ANO2: variants seen among roughly 807,000 people sequenced by gnomAD.
ANO2 encodes anoctamin-2.
Under a neutral mutation model 124.2 loss-of-function variants are expected in ANO2, and 101 were observed. The ratio of observed to expected loss-of-function variants is 0.81; its 90% CI spans 0.69 to 0.96. The LOEUF (loss-of-function observed/expected upper bound fraction) is 0.96, where lower values mean the gene tolerates loss of function less well. Among genes scored for constraint, ANO2 ranks in the 40% least tolerant of loss-of-function variants. The pLI is 0.00. For synonymous variants in ANO2, 486 were observed against 482.5 expected (o/e 1.01, Z -0.09); for missense variants, 1,293 against 1,274.5 (o/e 1.01, Z -0.22).
chr12:5,922,268 T>C (rs1250722835), intron 2 of ANO2, among the ~76,000 whole-genome samples: 1 of 152,224 alleles, frequency 6.6e-6, no homozygotes, highest in African/African-American at 2.4e-5. Context: ...AGAGGTCACC[T>C]GGGCAACCAG....
intron 16 of ANO2, among the ~76,000 whole-genome samples, chr12:5,625,770 C>T (rs1373534934): frequency 6.6e-6 from 1 of 152,144 alleles, no homozygotes; most frequent in African/African-American, 2.4e-5. Context: ...CAGGTTCTTC[C>T]TGCTTCTGGT....
At position 5,744,187 on chromosome 12, in the gene ANO2, C is replaced by T. The variant is rs755725535; in HGVS notation, c.1321G>A (p.Val441Ile). Residue 441 changes from valine (V) to isoleucine (I), a missense_variant, in exon 12 of 25, where the codon GTC (valine) becomes ATC (isoleucine). Physicochemically the swap from Val to Ile is conservative, Grantham distance 29. Transcript: ENST00000682330. ...AGAGCCATGAAGATAGAGAAGAAGA[C>T]GGTGGCAGGGTTGTCAAACAGGTGG... is the stretch of plus-strand genomic sequence containing the variant. ...ASHLFDNPAT[V>I]FFSIFMALWA... 27 of 1,613,014 alleles carry T rather than the reference C, an allele frequency of 1.7e-5. No individual in the cohort carries two copies. Among genetic ancestry groups the T allele is most frequent in the African/African-American group, 6.7e-5 (5 of 74,138 alleles).
upstream of ANO2, among the ~76,000 whole-genome samples, chr12:5,945,934 A>C (rs368898631): frequency 3.3e-5 from 5 of 152,206 alleles, no homozygotes; most frequent in South Asian, 1.0e-3. Flanking sequence ...AGATGATGGA[A>C]GCTCCATCCC....
At chr12:5,914,610 C>A (rs1941272974) in intron 3 of ANO2, among the ~76,000 whole-genome samples, 1 of 152,200 alleles carries the variant, frequency 6.6e-6, no homozygotes, top group Non-Finnish European at 1.5e-5. Flanking sequence ...AAGCCAACTT[C>A]TGCTATCAGT....
chr12:5,640,316 C>T (rs528662267), intron 15 of ANO2, among the ~76,000 whole-genome samples: 9 of 152,258 alleles, frequency 5.9e-5, no homozygotes, highest in South Asian at 4.2e-4. Context: ...TTGGCTTACC[C>T]GAACTTTATC....
chr12:5,893,863 G>A (rs1449186960), intron 3 of ANO2, among the ~76,000 whole-genome samples: 1 of 152,110 alleles, frequency 6.6e-6, no homozygotes, highest in Non-Finnish European at 1.5e-5. Flanking sequence ...GTGTATATGT[G>A]CCACATTTTC....
At chr12:5,697,509 C>T (rs1317669084) in intron 14 of ANO2, among the ~76,000 whole-genome samples, 2 of 152,176 alleles carry the variant, frequency 1.3e-5, no homozygotes, top group Non-Finnish European at 2.9e-5. Context: ...CAGCTCCAGT[C>T]TACAGCTCCC....
chr12:5,625,525 G>A (rs1591764333), intron 16 of ANO2, among the ~76,000 whole-genome samples: 2 of 152,180 alleles, frequency 1.3e-5, no homozygotes, highest in African/African-American at 4.8e-5. Context: ...AGGTTTGGAG[G>A]AAAAATTAAG....
At position 5,900,866 on chromosome 12, in the gene ANO2, G is replaced by C. The variant is rs1940148915; in HGVS notation, c.534+20174C>G. On this transcript the variant is annotated intron_variant, in intron 3 of 24. Coordinates refer to ENST00000682330, the MANE Select transcript of ANO2 (RefSeq NM_001364791.2). This position sits in a 1 kb window ranked among gnomAD's most constrained non-coding sequence, Gnocchi z 4.2. Reference sequence around the variant, plus strand: ...AGGCGTCTCCTTGTTCTCGGCTCAGGAGACTCAGAGAAAGCCCAACAGCTG... The same window carrying C: ...AGGCGTCTCCTTGTTCTCGGCTCAGCAGACTCAGAGAAAGCCCAACAGCTG... Among the ~76,000 whole-genome samples, 1 of 152,220 alleles carries C rather than the reference G, an allele frequency of 6.6e-6. No homozygotes were observed. The highest frequency in any genetic ancestry group is 1.5e-5 in the Non-Finnish European group (1 of 68,042).
At chr12:5,851,499 A>G (rs1954902761) in intron 4 of ANO2, among the ~76,000 whole-genome samples, 1 of 152,136 alleles carries the variant, frequency 6.6e-6, no homozygotes, top group African/African-American at 2.4e-5. Flanking sequence ...CAGCTGGCCA[A>G]CATGGAGAAA....
At position 5,746,016 on chromosome 12, in the gene ANO2, C is replaced by T. The variant is rs557601177; in HGVS notation, c.1191-1699G>A. Among the ~76,000 whole-genome samples, 4 of 152,312 alleles carry T rather than the reference C, an allele frequency of 2.6e-5. No homozygotes were observed. The South Asian group carries it at 6.2e-4, about 24-fold the overall frequency. ...TGTCTGTATAAATTCTAGTAAAAGA[C>T]GTTCGCTTTTAAGTCACGTCCAAGA... On this transcript the variant is annotated intron_variant, in intron 11 of 24. Transcript: ENST00000682330.
intron 3 of ANO2, among the ~76,000 whole-genome samples, chr12:5,861,686 G>A (rs772911061): frequency 3.9e-5 from 6 of 152,154 alleles, no homozygotes; most frequent in Non-Finnish European, 7.4e-5. Context: ...CGGGAATGGC[G>A]CTGTAAGGAA....
chr12:5,662,158 C>T (rs934013659), intron 14 of ANO2, among the ~76,000 whole-genome samples: 5 of 152,250 alleles, frequency 3.3e-5, no homozygotes, highest in African/African-American at 7.2e-5. Flanking sequence ...TGAAGGTGGG[C>T]GTGCCGCCAG....
At chr12:5,834,956 C>T (rs1954272631) in intron 4 of ANO2, among the ~76,000 whole-genome samples, 1 of 152,042 alleles carries the variant, frequency 6.6e-6, no homozygotes, top group African/African-American at 2.4e-5. Context: ...GATATCTTTC[C>T]AGGACAGTTT....
rs116117131 is a variant in ANO2, at chr12:5,680,022, C to G, written c.1546-32221G>C. Among the ~76,000 whole-genome samples the G allele has an allele frequency of 8.3e-3, 1,264 of 152,272 alleles. 20 individuals carry two copies. Among genetic ancestry groups the G allele is most frequent in the African/African-American group, 0.029 (1,194 of 41,556 alleles). ...TGGAGTTGGAAGCCATTATTCTCGG[C>G]AAACTAACACAGAAACAGAAACCAA... On this transcript the variant is annotated intron_variant, in intron 14 of 24. Transcript: ENST00000682330.
chr12:5,601,831 T>G (rs898134066), intron 19 of ANO2, among the ~76,000 whole-genome samples: 3 of 152,274 alleles, frequency 2.0e-5, no homozygotes, highest in African/African-American at 7.2e-5. Context: ...ATGAATATCT[T>G]GGAAGACGGA....
At chr12:5,697,696 CT>C (rs1320534486) in intron 14 of ANO2, among the ~76,000 whole-genome samples, 3 of 152,192 alleles carry the variant, frequency 2.0e-5, no homozygotes, top group African/African-American at 7.2e-5. Context: ...AGGGAATTCC[CT>C]TTCCTAGCCA....
At chr12:5,583,392 G>A (rs564710354) in intron 20 of ANO2, among the ~76,000 whole-genome samples, 9 of 152,210 alleles carry the variant, frequency 5.9e-5, no homozygotes, top group East Asian at 3.9e-4. Context: ...GGTGGCTCAC[G>A]CCTGTAATCC....
intron 3 of ANO2, among the ~76,000 whole-genome samples, chr12:5,861,706 G>A (rs889251543): frequency 2.0e-5 from 3 of 152,156 alleles, no homozygotes; most frequent in South Asian, 2.1e-4. Context: ...AGGGTGGGGG[G>A]ATGAGCCTGT....
Sources: allele counts gnomAD v4.1 joint callset (sites outside exome capture counted in the v4.1 genomes callset), GRCh38; gene constraint gnomAD v4.1.1; non-coding constraint Gnocchi (gnomAD v3.1); transcripts MANE v1.5; gene names NCBI Gene and HGNC (gene_info 2026-07-23, HGNC 2026-07-21).